The following MCC variants were observed in gnomAD, a reference collection of about 807,000 sequenced individuals.
MCC encodes the protein MCC regulator of Wnt signaling pathway, also known as colorectal mutant cancer protein.
In MCC, 90 loss-of-function variants were observed where a neutral mutation model predicts 116.2. That is an observed-to-expected ratio of 0.77 (90% CI 0.65 to 0.92). MCC has a LOEUF of 0.92. Ranked by LOEUF, MCC falls within the 40% of genes least tolerant of loss-of-function variation. The pLI, the probability that MCC is intolerant of heterozygous loss-of-function variation, is 0.00. For synonymous variants in MCC, 578 were observed against 510.5 expected, an observed-to-expected ratio of 1.13 and a Z score of -1.78; for missense variants, 1,516 against 1,312.2, an observed-to-expected ratio of 1.16 and a Z score of -2.40.
intron 17 of MCC, among the ~76,000 whole-genome samples, chr5:113,034,416 G>T (rs1233392439): frequency 6.6e-6 from 1 of 152,186 alleles, no homozygotes; most frequent in Non-Finnish European, 1.5e-5. Context: ...CAGTAAGGAG[G>T]TTATATTCTC....
intron 3 of MCC, among the ~76,000 whole-genome samples, chr5:113,246,573 C>A (rs1368524532): frequency 6.6e-6 from 1 of 152,156 alleles, no homozygotes. Flanking sequence ...AAAGCAGCAG[C>A]GAATCCTATT....
At chr5:113,119,905 G>A (rs1757635249) in intron 6 of MCC, among the ~76,000 whole-genome samples, 1 of 152,230 alleles carries the variant, frequency 6.6e-6, no homozygotes, top group Admixed American at 6.5e-5. Flanking sequence ...GGTGGACACT[G>A]CCTTCTGTGT....
At chr5:113,044,463 G>A (rs1168104177) in intron 16 of MCC, 101 of 981,536 alleles carry the variant, frequency 1.0e-4, no homozygotes, top group African/African-American at 1.6e-4. Context: ...TACCATGGCT[G>A]GGGGAAGGCA....
At chr5:113,086,365 T>C (rs1335226189) in intron 8 of MCC, among the ~76,000 whole-genome samples, 1 of 152,056 alleles carries the variant, frequency 6.6e-6, no homozygotes, top group African/African-American at 2.4e-5. Flanking sequence ...AGTTATTCAA[T>C]ATGTGTGTTT....
chr5:113,181,825 G>C (rs1403872733), intron 3 of MCC, among the ~76,000 whole-genome samples: 5 of 152,206 alleles, frequency 3.3e-5, no homozygotes, highest in African/African-American at 7.2e-5. Flanking sequence ...ACACTGTGCT[G>C]AAGTATGAGT....
chr5:113,328,160 A>T (rs1310348367), intron 3 of MCC, among the ~76,000 whole-genome samples: 1 of 152,212 alleles, frequency 6.6e-6, no homozygotes. Context: ...GTGTTAGATT[A>T]GAAAGGAAGA....
intron 2 of MCC, among the ~76,000 whole-genome samples, chr5:113,364,394 G>C (rs960670190): frequency 1.1e-4 from 16 of 152,156 alleles, no homozygotes; most frequent in Non-Finnish European, 2.1e-4. Flanking sequence ...AAATGCAAGT[G>C]GTGGGCTCCC....
In MCC at chr5:113,101,732, T is replaced by C. The variant is rs1446574734; in HGVS notation, c.1398+7A>G. On this transcript the variant is annotated splice_region_variant and intron_variant, in intron 8 of 18. Coordinates refer to ENST00000408903, the MANE Select transcript of MCC (RefSeq NM_001085377.2). ...GGGCCTGACCATTATGGATGCAGCA[T>C]GCTCACCCTCCTCCGGAGCCGGTCC... is the stretch of plus-strand genomic sequence containing the variant. 6.2e-7 allele frequency: 1 copy of C among 1,612,832 alleles called. No homozygotes were observed. The highest frequency in any genetic ancestry group is 2.2e-5 in the East Asian group (1 of 44,872).
At chr5:113,157,038 C>T (rs1051973303) in intron 3 of MCC, among the ~76,000 whole-genome samples, 5 of 152,072 alleles carry the variant, frequency 3.3e-5, no homozygotes, top group Admixed American at 3.3e-4. Context: ...ATGTCTATTC[C>T]GTTACATATC....
chr5:113,356,218 A>T (rs1768408315), intron 2 of MCC, among the ~76,000 whole-genome samples: 1 of 151,560 alleles, frequency 6.6e-6, no homozygotes, highest in South Asian at 2.1e-4. Flanking sequence ...TAAGTTTTTT[A>T]TAGAGACTGG....
chr5:113,394,310 C>T (rs776646554), intron 1 of MCC, among the ~76,000 whole-genome samples: 6 of 152,102 alleles, frequency 3.9e-5, no homozygotes, highest in Non-Finnish European at 7.4e-5. Context: ...ACATTTTCCA[C>T]CTGGTTTACT....
At chr5:113,092,947 AT>A (rs1043829435) in intron 8 of MCC, among the ~76,000 whole-genome samples, 1 of 152,186 alleles carries the variant, frequency 6.6e-6, no homozygotes, top group African/African-American at 2.4e-5. Context: ...ATGGGAAGCA[AT>A]TTGATTGTCA....
chr5:113,269,235 G>C, intron 3 of MCC: 1 of 985,306 alleles, frequency 1.0e-6, no homozygotes, highest in Non-Finnish European at 1.2e-6. Flanking sequence ...TCTCTCTCCA[G>C]GTGGGGACTG....
intron 5 of MCC, among the ~76,000 whole-genome samples, chr5:113,141,548 G>A (rs1354831032): frequency 6.6e-6 from 1 of 152,214 alleles, no homozygotes; most frequent in African/African-American, 2.4e-5. Flanking sequence ...AGATGCCTAA[G>A]CCTCAGGAGC....
At chr5:113,473,718 G>T (rs369988193) in intron 1 of MCC, among the ~76,000 whole-genome samples, 1 of 152,078 alleles carries the variant, frequency 6.6e-6, no homozygotes, top group Non-Finnish European at 1.5e-5. Flanking sequence ...TACTATTACT[G>T]CATGGAATTA....
chr5:113,087,161 A>T (rs1179785954), intron 8 of MCC, among the ~76,000 whole-genome samples: 1 of 152,192 alleles, frequency 6.6e-6, no homozygotes, highest in Non-Finnish European at 1.5e-5. Flanking sequence ...TTTCATATTA[A>T]ATGTCTAGGA....
At chr5:113,228,330 TAC>T (rs147587604) in intron 3 of MCC, among the ~76,000 whole-genome samples, 21 of 151,428 alleles carry the variant, frequency 1.4e-4, no homozygotes, top group African/African-American at 3.9e-4. Flanking sequence ...ACACCTACCA[TAC>T]ACACACACAC....
At chr5:113,168,887 G>A (rs1760917202) in intron 3 of MCC, among the ~76,000 whole-genome samples, 1 of 152,142 alleles carries the variant, frequency 6.6e-6, no homozygotes, top group Non-Finnish European at 1.5e-5. Flanking sequence ...TTGACTAGTA[G>A]CAAGCAATAG....
chr5:113,412,301 C>T (rs573307876), intron 1 of MCC, among the ~76,000 whole-genome samples: 1 of 152,236 alleles, frequency 6.6e-6, no homozygotes, highest in African/African-American at 2.4e-5. Context: ...TTTTCCAGTT[C>T]TGTGAAGAAA....
Sources: allele counts gnomAD v4.1 joint callset (sites outside exome capture counted in the v4.1 genomes callset), GRCh38; gene constraint gnomAD v4.1.1; transcripts MANE v1.5; gene names NCBI Gene and HGNC (gene_info 2026-07-23, HGNC 2026-07-21).